The following CLIP4 variants were observed in gnomAD, a reference collection of about 807,000 sequenced individuals.
CLIP4 encodes CAP-Gly domain-containing linker protein 4.
A neutral mutation model predicts 73.1 loss-of-function variants in CLIP4; 47 were observed. That is an observed-to-expected ratio of 0.64 (90% CI 0.51 to 0.82). The LOEUF is 0.82. Ranked by LOEUF, CLIP4 falls within the 40% of genes least tolerant of loss-of-function variation. The pLI is 0.00. For missense variants in CLIP4, 874 were observed against 852.9 expected (o/e 1.02, Z -0.31); for synonymous variants, 306 against 295.4 (o/e 1.04, Z -0.37).
intron 2 of CLIP4, among the ~76,000 whole-genome samples, chr2:29,128,914 G>A (rs945043455): frequency 2.0e-5 from 3 of 152,102 alleles, no homozygotes; most frequent in Non-Finnish European, 2.9e-5. Context: ...TAATTTTTCA[G>A]TGTAGCACAG....
At chr2:29,172,278 A>G (rs1003409894) in intron 14 of CLIP4, among the ~76,000 whole-genome samples, 1 of 151,872 alleles carries the variant, frequency 6.6e-6, no homozygotes, top group Non-Finnish European at 1.5e-5. Context: ...TTACTCATTA[A>G]CCCTCAGAAT....
chr2:29,157,780 T>C (rs1288331966), intron 11 of CLIP4, among the ~76,000 whole-genome samples: 2 of 152,240 alleles, frequency 1.3e-5, no homozygotes, highest in Non-Finnish European at 2.9e-5. Context: ...CTGCATAATC[T>C]CACTCAGTCC....
At chr2:29,102,501 C>T (rs1255586384) in intron 1 of CLIP4, among the ~76,000 whole-genome samples, 1 of 152,182 alleles carries the variant, frequency 6.6e-6, no homozygotes, top group East Asian at 1.9e-4. Flanking sequence ...AGGGCAGCCA[C>T]CAACTCCCTG....
At chr2:29,155,574 G>A (rs1666869561) in intron 9 of CLIP4, among the ~76,000 whole-genome samples, 1 of 152,088 alleles carries the variant, frequency 6.6e-6, no homozygotes, top group African/African-American at 2.4e-5. Flanking sequence ...GAATCTCCTT[G>A]TATTATTTTT....
At chr2:29,146,383 G>T (rs1212295985) in intron 8 of CLIP4, among the ~76,000 whole-genome samples, 1 of 152,180 alleles carries the variant, frequency 6.6e-6, no homozygotes, top group Non-Finnish European at 1.5e-5. Flanking sequence ...CCAACTTTAT[G>T]ACCGCATTCC....
intron 2 of CLIP4, among the ~76,000 whole-genome samples, chr2:29,130,183 G>A (rs1197581420): frequency 2.6e-5 from 4 of 152,212 alleles, no homozygotes; most frequent in Admixed American, 6.5e-5. Flanking sequence ...CTGGGTACCA[G>A]CACCTAGTTA....
At chr2:29,156,274 G>A in intron 9 of CLIP4, 80 bp from the exon 10 acceptor site, 2 of 846,454 alleles carry the variant, frequency 2.4e-6, no homozygotes, top group Admixed American at 6.6e-5. Flanking sequence ...TCGATAATGA[G>A]GGATGCATGT....
intron 14 of CLIP4, among the ~76,000 whole-genome samples, chr2:29,168,555 C>T (rs1302795162): frequency 9.4e-6 from 1 of 106,114 alleles, no homozygotes; most frequent in African/African-American, 3.7e-5. Flanking sequence ...ACGAGTCTCT[C>T]TCTGTTGCCC....
chr2:29,116,940 C>T (rs531198349), intron 1 of CLIP4, among the ~76,000 whole-genome samples: 4 of 152,316 alleles, frequency 2.6e-5, no homozygotes, highest in South Asian at 2.1e-4. Flanking sequence ...AATTTTGACA[C>T]GTGTTTGAAA....
At chr2:29,173,980 A>G (rs1018109847) in intron 14 of CLIP4, among the ~76,000 whole-genome samples, 3 of 152,220 alleles carry the variant, frequency 2.0e-5, no homozygotes, top group Non-Finnish European at 2.9e-5. Context: ...AAGAAATCTT[A>G]TAATGAAATT....
intron 2 of CLIP4, among the ~76,000 whole-genome samples, chr2:29,126,244 T>TA (rs1188839835): frequency 6.6e-6 from 1 of 152,216 alleles, no homozygotes; most frequent in Non-Finnish European, 1.5e-5. Context: ...TGCAACAGCA[T>TA]AAAAAATACT....
Position 29,131,288 on chromosome 2 carries a change from C to T in CLIP4, c.164C>T (p.Ser55Leu). ...EFSFFDPNDASCQEILFDPKT... is the reference protein window; with the variant it reads ...EFSFFDPNDALCQEILFDPKT... ...TCTTTCTTTGATCCTAATGATGCATCATGCCAGGAAATTCTTTTTGATCCC... is the reference window on the plus strand; with the variant it reads ...TCTTTCTTTGATCCTAATGATGCATTATGCCAGGAAATTCTTTTTGATCCC... Residue 55 changes from serine (S) to leucine (L), a missense_variant, in exon 3 of 16, where the codon TCA becomes TTA. Physicochemically the swap from Ser to Leu is moderately radical, Grantham distance 145. Coordinates refer to ENST00000320081, the MANE Select transcript of CLIP4 (RefSeq NM_024692.6). 2.5e-6 allele frequency: 4 copies of T among 1,607,344 alleles called. No homozygotes were observed. Among genetic ancestry groups the T allele is most frequent in the Non-Finnish European group, 3.4e-6 (4 of 1,177,546 alleles).
chr2:29,146,171 C>G (rs1666152102), intron 8 of CLIP4, among the ~76,000 whole-genome samples: 4 of 152,164 alleles, frequency 2.6e-5, no homozygotes, highest in Admixed American at 2.0e-4. Flanking sequence ...AGGCTGTGAG[C>G]TGTTGGGCTG....
chr2:29,150,488 C>T (rs557325778), intron 8 of CLIP4, among the ~76,000 whole-genome samples: 35 of 152,098 alleles, frequency 2.3e-4, no homozygotes, highest in African/African-American at 8.2e-4. Context: ...ACATTAATGA[C>T]ACAAATCAAA....
chr2:29,136,039 CG>C (rs1469937657), intron 6 of CLIP4, among the ~76,000 whole-genome samples: 1 of 151,912 alleles, frequency 6.6e-6, no homozygotes, highest in East Asian at 1.9e-4. Flanking sequence ...AAATTCATTT[CG>C]GAAAGTTATA....
At chr2:29,107,596 A>T (rs1287830180) in intron 1 of CLIP4, among the ~76,000 whole-genome samples, 2 of 151,654 alleles carry the variant, frequency 1.3e-5, no homozygotes, top group East Asian at 3.9e-4. Context: ...GGCTGGTCTG[A>T]AGCTCCTGAC....
At chr2:29,107,389 T>C (rs911476748) in intron 1 of CLIP4, among the ~76,000 whole-genome samples, 3 of 134,326 alleles carry the variant, frequency 2.2e-5, no homozygotes, top group African/African-American at 8.7e-5. Flanking sequence ...TTTTTTTTTT[T>C]GAGATGGAGT....
intron 1 of CLIP4, among the ~76,000 whole-genome samples, chr2:29,107,375 T>TTTG (rs1668252803): frequency 7.7e-6 from 1 of 129,226 alleles, no homozygotes; most frequent in African/African-American, 2.9e-5. Flanking sequence ...TTTTTTTTTT[T>TTTG]TTTTTTTTTT....
At position 29,143,762 on chromosome 2, in the gene CLIP4, G is replaced by A. The variant is rs375223459; in HGVS notation, c.702G>A (p.Pro234=). 2.1e-4 allele frequency: 338 copies of A among 1,613,970 alleles called. No individual in the cohort carries two copies. Among genetic ancestry groups the A allele is most frequent in the Non-Finnish European group, 2.2e-4 (263 of 1,179,940 alleles). The change falls in exon 7 of 16, where the codon CCG becomes CCA. Residue 234 remains proline (P), a synonymous_variant. Coordinates refer to ENST00000320081, the MANE Select transcript of CLIP4 (RefSeq NM_024692.6). ...ADVVPDPVDM[P]LEMADAAATA... ...TTGTTCCAGACCCAGTAGATATGCC[G>A]TTAGAGATGGCTGACGCCGCAGCCA...
Sources: gnomAD v4.1 joint callset for allele counts (sites outside exome capture counted in the v4.1 genomes callset) on GRCh38, gnomAD v4.1.1 for gene constraint, MANE v1.5 for transcripts, NCBI Gene and HGNC (gene_info 2026-07-23, HGNC 2026-07-21) for gene names.